The following ARPP21 variants were observed in gnomAD, a reference collection of about 807,000 sequenced individuals.
The protein encoded by ARPP21 is cAMP-regulated phosphoprotein 21.
Under a neutral mutation model 113.2 loss-of-function variants are expected in ARPP21, and 69 were observed. That is an observed-to-expected ratio of 0.61 (90% CI 0.50 to 0.74). ARPP21 has a LOEUF of 0.74. Among genes scored for constraint, ARPP21 ranks in the 30% least tolerant of loss-of-function variants. The probability of loss-of-function intolerance (pLI) is 0.00; values close to 1 mark genes in which losing one functional copy is unlikely to be tolerated. For synonymous variants in ARPP21, 368 were observed against 375.5 expected, an observed-to-expected ratio of 0.98 and a Z score of 0.23; for missense variants, 1,070 against 1,037.4, an observed-to-expected ratio of 1.03 and a Z score of -0.43.
chr3:35,791,950 T>C (rs529616795), intron 19 of ARPP21, among the ~76,000 whole-genome samples: 2 of 152,340 alleles, frequency 1.3e-5, no homozygotes, highest in South Asian at 4.1e-4. Flanking sequence ...AATGAGATTG[T>C]CCAGGAGAAG....
At chr3:35,643,901 G>A (rs1272034467) in intron 1 of ARPP21, 1 of 151,962 alleles carries the variant, frequency 6.6e-6, no homozygotes, top group Non-Finnish European at 1.5e-5. Flanking sequence ...ATCACAAAAA[G>A]AATTGACTTC....
At chr3:35,773,485 T>C (rs1472052361) in intron 19 of ARPP21, among the ~76,000 whole-genome samples, 1 of 152,192 alleles carries the variant, frequency 6.6e-6, no homozygotes, top group Non-Finnish European at 1.5e-5. Context: ...AATAATTGTA[T>C]TTACTTCCTC....
chr3:35,683,859 A>T, intron 5 of ARPP21, 44 bp downstream of exon 5: 1 of 991,754 alleles, frequency 1.0e-6, no homozygotes, highest in South Asian at 1.3e-5. Context: ...AATGGGATCC[A>T]CCTTTGTGTG....
chr3:35,667,132 A>G (rs1345063116), intron 1 of ARPP21, among the ~76,000 whole-genome samples: 1 of 152,182 alleles, frequency 6.6e-6, no homozygotes, highest in Non-Finnish European at 1.5e-5. Flanking sequence ...GTGACTCTTT[A>G]AGGGCTAGTC....
chr3:35,740,174 C>A (rs1344591162), intron 18 of ARPP21, among the ~76,000 whole-genome samples: 1 of 152,200 alleles, frequency 6.6e-6, no homozygotes, highest in Non-Finnish European at 1.5e-5. Flanking sequence ...TAAGACACCA[C>A]AGATCACTGA....
intron 1 of ARPP21, among the ~76,000 whole-genome samples, chr3:35,653,015 G>A (rs1703089191): frequency 6.6e-6 from 1 of 152,020 alleles, no homozygotes; most frequent in Non-Finnish European, 1.5e-5. Flanking sequence ...TGAAAAGTCA[G>A]TATTCTTCTA....
At chr3:35,713,308 T>C (rs918359268) in intron 11 of ARPP21, among the ~76,000 whole-genome samples, 1 of 152,186 alleles carries the variant, frequency 6.6e-6, no homozygotes, top group African/African-American at 2.4e-5. Flanking sequence ...CTATCTTATT[T>C]ATGAAAATGT....
intron 18 of ARPP21, among the ~76,000 whole-genome samples, chr3:35,741,196 A>G (rs191093133): frequency 6.6e-6 from 1 of 152,368 alleles, no homozygotes; most frequent in Non-Finnish European, 1.5e-5. Flanking sequence ...CACTGCAGAA[A>G]CAAAAGCAAT....
At chr3:35,758,137 A>G (rs183935316) in intron 19 of ARPP21, among the ~76,000 whole-genome samples, 1 of 152,134 alleles carries the variant, frequency 6.6e-6, no homozygotes, top group African/African-American at 2.4e-5. Context: ...GGAGGATTAG[A>G]TCATTGCCTC....
chr3:35,717,267 A>G (rs1174083710), intron 12 of ARPP21, 31 bp from the exon 13 acceptor site: 12 of 1,373,160 alleles, frequency 8.7e-6, no homozygotes, highest in East Asian at 2.3e-5. Flanking sequence ...CTTAGGTTTT[A>G]TATCATAAAA....
intron 2 of ARPP21, 122 bp from the exon 3 acceptor site, chr3:35,681,592 T>G (rs1382887114): frequency 1.7e-6 from 1 of 591,740 alleles, no homozygotes; most frequent in Non-Finnish European, 3.0e-6. Flanking sequence ...TTTTTCCCCC[T>G]TTTGTATAAA....
chr3:35,760,695 G>A (rs1018483381), intron 19 of ARPP21, among the ~76,000 whole-genome samples: 2 of 152,070 alleles, frequency 1.3e-5, no homozygotes, highest in African/African-American at 4.8e-5. Flanking sequence ...AAATTAAGCA[G>A]CCCATCATGG....
chr3:35,684,259 G>A (rs1182740519), intron 5 of ARPP21: 1 of 1,214,806 alleles, frequency 8.2e-7, no homozygotes, highest in Non-Finnish European at 1.0e-6. Context: ...TTAGGAAATA[G>A]TGAATAAGGT....
intron 1 of ARPP21, among the ~76,000 whole-genome samples, chr3:35,660,564 A>G (rs1707263301): frequency 6.6e-6 from 1 of 152,220 alleles, no homozygotes; most frequent in Non-Finnish European, 1.5e-5. Context: ...AAAGGAGAGC[A>G]ATACTTGAAC....
At chr3:35,700,224 A>C (rs1273188852) in intron 9 of ARPP21, among the ~76,000 whole-genome samples, 1 of 151,796 alleles carries the variant, frequency 6.6e-6, no homozygotes, top group East Asian at 1.9e-4. Context: ...GAGAGGTTAA[A>C]TATATTGCAG....
rs544110218 is a variant in ARPP21 at position 35,702,224 on chromosome 3, C to G, written c.687-4750C>G. ...AGCATATTTATGTTTGTATTAATTG[C>G]TTTTCTATGTTACTCAATATTATTG... is the stretch of plus-strand genomic sequence containing the variant. On this transcript the variant is annotated intron_variant, in intron 9 of 20. Coordinates refer to ENST00000684406, the MANE Select transcript of ARPP21 (RefSeq NM_001385562.1). Among the ~76,000 whole-genome samples the G allele has an allele frequency of 4.4e-4, 67 of 151,648 alleles. No homozygotes were observed. The South Asian group carries it at 0.014, about 31-fold the overall frequency.
chr3:35,783,681 C>T (rs2096572253), intron 19 of ARPP21, among the ~76,000 whole-genome samples: 1 of 152,150 alleles, frequency 6.6e-6, no homozygotes, highest in Non-Finnish European at 1.5e-5. Flanking sequence ...CATTGCTCTG[C>T]TTATAAACCT....
At chr3:35,646,537 T>C (rs531592095) in intron 1 of ARPP21, among the ~76,000 whole-genome samples, 1 of 152,114 alleles carries the variant, frequency 6.6e-6, no homozygotes, top group Non-Finnish European at 1.5e-5. Context: ...AAAACAATTT[T>C]TAAATGGGTG....
In ARPP21 at chr3:35,708,982, A is replaced by T; in HGVS notation, c.809A>T (p.His270Leu). ...DKEDNQQNRMHPFRDDRRSKS... is the reference protein window; with the variant it reads ...DKEDNQQNRMLPFRDDRRSKS... ...TTTTCTGTTCAGCAAAACAGAATGCATCCATTTAGAGATGACAGACGAAGT... is the reference window on the plus strand; with the variant it reads ...TTTTCTGTTCAGCAAAACAGAATGCTTCCATTTAGAGATGACAGACGAAGT... Residue 270 changes from histidine (H) to leucine (L), a missense_variant, in exon 11 of 21, where the codon CAT becomes CTT. Physicochemically the swap from His to Leu is moderately conservative, Grantham distance 99 (BLOSUM62 -3). Coordinates refer to ENST00000684406, the MANE Select transcript of ARPP21 (RefSeq NM_001385562.1). 6.2e-7 allele frequency: 1 copy of T among 1,613,352 alleles called. No homozygotes were observed.
Sources: allele counts gnomAD v4.1 joint callset (sites outside exome capture counted in the v4.1 genomes callset), GRCh38; gene constraint gnomAD v4.1.1; transcripts MANE v1.5; gene names NCBI Gene and HGNC (gene_info 2026-07-23, HGNC 2026-07-21).